PRRC2B: variants seen among roughly 807,000 people sequenced by gnomAD.
The protein encoded by PRRC2B is protein PRRC2B.
PRRC2B carries 68 observed loss-of-function variants against 242.3 expected under a neutral mutation model. The ratio of observed to expected loss-of-function variants is 0.28; its 90% CI spans 0.23 to 0.34. The LOEUF (loss-of-function observed/expected upper bound fraction) is 0.34, where lower values mean the gene tolerates loss of function less well. Among genes scored for constraint, PRRC2B ranks in the 10% least tolerant of loss-of-function variants. PRRC2B has a pLI of 1.00. For missense variants in PRRC2B, 2,835 were observed against 2,954.8 expected, an observed-to-expected ratio of 0.96 and a Z score of 0.94; for synonymous variants, 1,228 against 1,173.6, an observed-to-expected ratio of 1.05 and a Z score of -0.95.
At chr9:131,470,754 C>T (rs749371363) in intron 13 of PRRC2B, 34 bp from the exon 14 acceptor site, 4 of 1,590,084 alleles carry the variant, frequency 2.5e-6, no homozygotes, top group Non-Finnish European at 3.4e-6. Flanking sequence ...CTGGCCGCAC[C>T]AGCCTGACCA....
At position 131,495,770 on chromosome 9, in the gene PRRC2B, C is replaced by T. The variant is rs777199569; in HGVS notation, c.6586C>T (p.Leu2196=). 6.2e-7 allele frequency: 1 copy of T among 1,612,656 alleles called. No homozygotes were observed. Among genetic ancestry groups the T allele is most frequent in the Non-Finnish European group, 8.5e-7 (1 of 1,178,780 alleles). Residue 2196 remains leucine (L), a synonymous_variant, in exon 32 of 32, where the codon CTG becomes TTG. Transcript: ENST00000683519. ...ACAACGAGTGGATGAGAAACCCAGC[C>T]TGGGAGCCGTGAAGCTGCAGGAGGC... ...AKQRVDEKPS[L]GAVKLQEAPS...
chr9:131,374,378 T>C (rs1836656799), intron 1 of PRRC2B, among the ~76,000 whole-genome samples: 1 of 152,200 alleles, frequency 6.6e-6, no homozygotes, highest in East Asian at 1.9e-4. Context: ...GAGTTGCAGG[T>C]GACGCCTTCT....
chr9:131,460,691 C>G (rs1943217143), intron 11 of PRRC2B, among the ~76,000 whole-genome samples: 1 of 152,188 alleles, frequency 6.6e-6, no homozygotes, highest in African/African-American at 2.4e-5. Context: ...GTGTAATCTA[C>G]TCTCACCTGG....
intron 1 of PRRC2B, among the ~76,000 whole-genome samples, chr9:131,420,791 C>G (rs559060986): frequency 1.7e-4 from 26 of 152,030 alleles, no homozygotes; most frequent in African/African-American, 5.8e-4. Context: ...CCTACCCTTG[C>G]TTTTCTGACA....
chr9:131,393,824 TCTCTCCCGC>T (rs1003738320), upstream of PRRC2B, among the ~76,000 whole-genome samples: 13 of 150,362 alleles, frequency 8.6e-5, no homozygotes, highest in Admixed American at 6.6e-4. Flanking sequence ...TCTGCCCCGT[TCTCTCCCGC>T]CTCTCCCGCC....
chr9:131,404,634 GAAAA>G (rs1837317041), intron 1 of PRRC2B, among the ~76,000 whole-genome samples: 1 of 151,914 alleles, frequency 6.6e-6, no homozygotes, highest in African/African-American at 2.4e-5. Flanking sequence ...ATTCCTCCCA[GAAAA>G]AAACCCACAT....
At chr9:131,435,819 G>T (rs1409878864) in intron 3 of PRRC2B, among the ~76,000 whole-genome samples, 3 of 152,206 alleles carry the variant, frequency 2.0e-5, no homozygotes, top group Admixed American at 6.5e-5. Flanking sequence ...AGAGCTTTAT[G>T]TATGGGGTCA....
chr9:131,397,877 T>G (rs1258118317), intron 1 of PRRC2B, among the ~76,000 whole-genome samples: 1 of 152,216 alleles, frequency 6.6e-6, no homozygotes, highest in African/African-American at 2.4e-5. Context: ...ACAATGGGCT[T>G]TGTGCTCCAA....
At chr9:131,426,118 AC>A (rs1386969775) in intron 1 of PRRC2B, among the ~76,000 whole-genome samples, 8 of 152,054 alleles carry the variant, frequency 5.3e-5, no homozygotes, top group Non-Finnish European at 1.2e-4. Flanking sequence ...TGGGTGGATC[AC>A]TTGAGGCCAG....
intron 1 of PRRC2B, among the ~76,000 whole-genome samples, chr9:131,400,598 G>A (rs1588237607): frequency 6.6e-6 from 1 of 152,156 alleles, no homozygotes. Flanking sequence ...GATGACAGGT[G>A]TGAGCCACCG....
rs927469065 is a variant in PRRC2B, at chr9:131,494,680, C to A, written c.6555+194C>A. ...CGAAGGCATTTCTCCTCTTGACGGG[C>A]GTCTGGATCCTTCCTTGTCCTGCAG... On this transcript the variant is annotated intron_variant, in intron 31 of 31. Coordinates refer to ENST00000683519, the MANE Select transcript of PRRC2B (RefSeq NM_013318.4). The surrounding 1 kb of genome is among the most constrained non-coding windows in gnomAD (Gnocchi z 4.3). Among the ~76,000 whole-genome samples, 2 of 152,184 alleles carry A rather than the reference C, an allele frequency of 1.3e-5. No homozygotes were observed. The highest frequency in any genetic ancestry group is 6.5e-5 in the Admixed American group (1 of 15,282).
chr9:131,378,853 G>A (rs1836719395), intron 1 of PRRC2B, among the ~76,000 whole-genome samples: 1 of 151,978 alleles, frequency 6.6e-6, no homozygotes. Flanking sequence ...TGAGTAGCTG[G>A]GACTGCAGGT....
Position 131,475,120 on chromosome 9 carries a change from C to T in PRRC2B, c.2991C>T (p.Asn997=). The change falls in exon 16 of 32, where the codon AAC becomes AAT. Residue 997 remains asparagine (N), a synonymous_variant. Coordinates refer to ENST00000683519, the MANE Select transcript of PRRC2B (RefSeq NM_013318.4). ...EDEENDASLA[N]SSTTTLEDKG... is the part of the protein sequence containing the mutation. ...AAGAGAACGATGCCTCTCTGGCCAA[C>T]TCCTCCACCACCACTTTGGAGGACA... 3 of 1,612,202 alleles carry T rather than the reference C, an allele frequency of 1.9e-6. No homozygotes were observed. Among genetic ancestry groups the T allele is most frequent in the Non-Finnish European group, 2.5e-6 (3 of 1,179,116 alleles).
At chr9:131,406,508 C>T (rs1434320254) in intron 1 of PRRC2B, among the ~76,000 whole-genome samples, 1 of 152,198 alleles carries the variant, frequency 6.6e-6, no homozygotes. Flanking sequence ...ACAGCCCTGA[C>T]TTGACCTCAG....
At chr9:131,481,475 C>A (rs1015249317) in intron 19 of PRRC2B, among the ~76,000 whole-genome samples, 3 of 152,104 alleles carry the variant, frequency 2.0e-5, no homozygotes, top group Non-Finnish European at 4.4e-5. Flanking sequence ...CTCACTCTCT[C>A]CTGTAATCCA....
chr9:131,467,684 T>G lies in PRRC2B; in HGVS notation c.1842T>G (p.Pro614=). Residue 614 remains proline, a synonymous_variant, in exon 13 of 32, where the codon CCT becomes CCG. Transcript: ENST00000683519. ...AAGAGGCCAGAGAGGCTGGGTCCCC[T>G]GCACAGGAGTTCAAGTATCAGAAGT... ...SEEEAREAGS[P]AQEFKYQKSL... The G allele has an allele frequency of 1.9e-6, 3 of 1,613,994 alleles. No homozygotes were observed. Among genetic ancestry groups the G allele is most frequent in the Non-Finnish European group, 2.5e-6 (3 of 1,179,880 alleles).
intron 5 of PRRC2B, among the ~76,000 whole-genome samples, chr9:131,443,126 ATTTTATT>A (rs1838662146): frequency 7.9e-6 from 1 of 126,558 alleles, no homozygotes; most frequent in Non-Finnish European, 1.6e-5. Context: ...ATTTTATTTT[ATTTTATT>A]TTATTATTTT....
At chr9:131,398,889 G>T (rs1039541369) in intron 1 of PRRC2B, among the ~76,000 whole-genome samples, 1 of 152,142 alleles carries the variant, frequency 6.6e-6, no homozygotes, top group Non-Finnish European at 1.5e-5. Flanking sequence ...GAAGCAGGAG[G>T]ATCACTTGAG....
intron 1 of PRRC2B, among the ~76,000 whole-genome samples, chr9:131,379,733 C>T (rs1836731986): frequency 1.3e-5 from 2 of 148,214 alleles, no homozygotes; most frequent in African/African-American, 5.0e-5. Flanking sequence ...TTAAGCAATT[C>T]TCCTGCCTCA....
Sources: allele counts gnomAD v4.1 joint callset (sites outside exome capture counted in the v4.1 genomes callset), GRCh38; gene constraint gnomAD v4.1.1; non-coding constraint Gnocchi (gnomAD v3.1); transcripts MANE v1.5; gene names NCBI Gene and HGNC (gene_info 2026-07-23, HGNC 2026-07-21).